OPRD1: variants seen among roughly 807,000 people sequenced by gnomAD.
OPRD1 encodes the protein delta-type opioid receptor.
A neutral mutation model predicts 17.5 loss-of-function variants in OPRD1; 19 were observed. The ratio of observed to expected loss-of-function variants is 1.09; its 90% CI spans 0.76 to 1.60. The LOEUF is 1.60. Ranked by LOEUF, OPRD1 falls within the 40% of genes most tolerant of loss-of-function variation. The pLI is 0.00. For missense variants in OPRD1, 483 were observed against 547.2 expected, an observed-to-expected ratio of 0.88 and a Z score of 1.17; for synonymous variants, 256 against 240.9, an observed-to-expected ratio of 1.06 and a Z score of -0.58.
chr1:28,817,405 G>A (rs2088679212), intron 1 of OPRD1, among the ~76,000 whole-genome samples: 1 of 152,198 alleles, frequency 6.6e-6, no homozygotes, highest in Non-Finnish European at 1.5e-5. Context: ...GCAGGGTCGG[G>A]ATAGGTGAAT....
Position 28,862,965 on chromosome 1 carries a change from G to A in OPRD1, c.801G>A (p.Val267=), listed in dbSNP as rs1409239590. The A allele has an allele frequency of 5.6e-6, 9 of 1,611,932 alleles. No homozygotes were observed. The highest frequency in any genetic ancestry group is 1.3e-5 in the African/African-American group (1 of 75,036). The change falls in exon 3 of 3, where the codon GTG becomes GTA. Residue 267 remains valine (V), a synonymous_variant. Transcript: ENST00000234961. ...TCACGCGCATGGTGCTGGTGGTTGT[G>A]GGCGCCTTCGTGGTGTGTTGGGCGC... The part of the protein sequence containing the change: ...RRITRMVLVV[V]GAFVVCWAPI...
intron 1 of OPRD1, among the ~76,000 whole-genome samples, chr1:28,854,828 T>C (rs1454031458): frequency 6.6e-6 from 1 of 152,020 alleles, no homozygotes; most frequent in African/African-American, 2.4e-5. Context: ...AATTTTTGTA[T>C]TTTAGTAGAG....
At chr1:28,829,085 G>A (rs2088791401) in intron 1 of OPRD1, among the ~76,000 whole-genome samples, 2 of 152,038 alleles carry the variant, frequency 1.3e-5, no homozygotes, top group East Asian at 1.9e-4. Context: ...AGTCCTAGAT[G>A]ATATCTTACT....
intron 1 of OPRD1, among the ~76,000 whole-genome samples, chr1:28,815,557 C>T (rs1357715105): frequency 6.6e-6 from 1 of 152,332 alleles, no homozygotes; most frequent in African/African-American, 2.4e-5. Context: ...GAACAGTGAA[C>T]GAGAGTCTGA....
In OPRD1 at chr1:28,866,442, G is replaced by A. The variant is rs151311324; in HGVS notation, c.*3159G>A. 36 of 152,388 alleles carry A rather than the reference G, an allele frequency of 2.4e-4. No homozygotes were observed. The highest frequency in any genetic ancestry group is 8.2e-4 in the African/African-American group (34 of 41,600). The allele number at this position is 152,388 out of a possible 1,614,324, so 9.4% of individuals were successfully genotyped here. A position where few individuals can be genotyped will look rare whatever the true frequency, so the allele number is the denominator to read the frequency against. The stretch of plus-strand genomic sequence containing the variant: ...CAGCTGGAGCATGGGGCTTAACTAA[G>A]CTCTTCTGTGTGCCAGGCTCTCTGC... On this transcript the variant is annotated 3_prime_UTR_variant, in exon 3 of 3. Coordinates refer to ENST00000234961, the MANE Select transcript of OPRD1 (RefSeq NM_000911.4).
At chr1:28,856,224 C>T (rs1266711814) in intron 1 of OPRD1, among the ~76,000 whole-genome samples, 1 of 152,232 alleles carries the variant, frequency 6.6e-6, no homozygotes, top group African/African-American at 2.4e-5. Context: ...CCTGCTGCCT[C>T]TCTGGGCTTC....
chr1:28,825,566 A>G (rs1032740619), intron 1 of OPRD1, among the ~76,000 whole-genome samples: 2 of 152,040 alleles, frequency 1.3e-5, no homozygotes, highest in Non-Finnish European at 2.9e-5. Context: ...TTGTGTTTTC[A>G]GTAGAGACAG....
At chr1:28,846,690 GAAA>G (rs61593060) in intron 1 of OPRD1, among the ~76,000 whole-genome samples, 12 of 114,100 alleles carry the variant, frequency 1.1e-4, no homozygotes, top group African/African-American at 3.5e-4. Context: ...CTCAAAAAAA[GAAA>G]AAAAAAAAAA....
chr1:28,853,266 G>A (rs955701712), intron 1 of OPRD1, among the ~76,000 whole-genome samples: 1 of 152,236 alleles, frequency 6.6e-6, no homozygotes, highest in African/African-American at 2.4e-5. Flanking sequence ...TGGAAGTGAT[G>A]TGTCGCCACT....
intron 1 of OPRD1, among the ~76,000 whole-genome samples, chr1:28,825,550 T>A (rs1569611544): frequency 6.6e-6 from 1 of 152,148 alleles, no homozygotes; most frequent in African/African-American, 2.4e-5. Context: ...CACATCCGGC[T>A]AATTTTTGTG....
intron 1 of OPRD1, among the ~76,000 whole-genome samples, chr1:28,858,063 G>C (rs960726956): frequency 1.7e-4 from 26 of 151,968 alleles, no homozygotes; most frequent in African/African-American, 5.8e-4. Context: ...CCAAAGTGCC[G>C]GGATTACAGG....
chr1:28,850,664 C>T (rs1364901594), intron 1 of OPRD1, among the ~76,000 whole-genome samples: 2 of 151,782 alleles, frequency 1.3e-5, no homozygotes, highest in African/African-American at 4.8e-5. Flanking sequence ...GCACCTGCGA[C>T]CCCAGCTACT....
chr1:28,828,147 G>A (rs1372469674), intron 1 of OPRD1, among the ~76,000 whole-genome samples: 2 of 152,162 alleles, frequency 1.3e-5, no homozygotes. Flanking sequence ...CTTACAAAAT[G>A]TATTTCTTAA....
chr1:28,823,005 A>G (rs2088728942), intron 1 of OPRD1, among the ~76,000 whole-genome samples: 1 of 152,034 alleles, frequency 6.6e-6, no homozygotes, highest in Admixed American at 6.6e-5. Flanking sequence ...TCTGGCTTAA[A>G]TGAACAATTT....
At chr1:28,856,772 A>G (rs1023510044) in intron 1 of OPRD1, among the ~76,000 whole-genome samples, 2 of 152,182 alleles carry the variant, frequency 1.3e-5, no homozygotes, top group African/African-American at 2.4e-5. Context: ...GAGAGCATGG[A>G]GGGATGCTGG....
At chr1:28,860,136 G>A (rs1411300424) in intron 2 of OPRD1, among the ~76,000 whole-genome samples, 6 of 152,172 alleles carry the variant, frequency 3.9e-5, no homozygotes, top group East Asian at 1.9e-4. Context: ...AGGCCAAGGC[G>A]GGTGAATCAC....
intron 1 of OPRD1, among the ~76,000 whole-genome samples, chr1:28,826,716 G>T (rs111311102): frequency 2.6e-5 from 4 of 152,082 alleles, no homozygotes; most frequent in Non-Finnish European, 5.9e-5. Flanking sequence ...CTGCTGGTTG[G>T]GGGTAGTGGT....
At chr1:28,847,217 A>G (rs186939200) in intron 1 of OPRD1, among the ~76,000 whole-genome samples, 1 of 152,030 alleles carries the variant, frequency 6.6e-6, no homozygotes, top group African/African-American at 2.4e-5. Flanking sequence ...ATGCCCAGCT[A>G]ATTTTTATGT....
intron 1 of OPRD1, among the ~76,000 whole-genome samples, chr1:28,849,249 T>A (rs1319062548): frequency 4.6e-5 from 7 of 151,962 alleles, no homozygotes; most frequent in South Asian, 2.1e-4. Flanking sequence ...ATTTTAATTT[T>A]TTTTTTAATG....
Sources: allele counts gnomAD v4.1 joint callset (sites outside exome capture counted in the v4.1 genomes callset), GRCh38; gene constraint gnomAD v4.1.1; transcripts MANE v1.5; gene names NCBI Gene and HGNC (gene_info 2026-07-23, HGNC 2026-07-21).